AFDN: variants seen among roughly 807,000 people sequenced by gnomAD.
AFDN encodes afadin.
A neutral mutation model predicts 216.6 loss-of-function variants in AFDN; 68 were observed. The observed-to-expected ratio is 0.31, with a 90% confidence interval of 0.26 to 0.38. AFDN has a LOEUF of 0.38. AFDN is among the 10% of genes least tolerant of loss of function. The pLI is 1.00. For missense variants in AFDN, 2,136 were observed against 2,342.0 expected (o/e 0.91, Z 1.82); for synonymous variants, 868 against 853.7 (o/e 1.02, Z -0.29).
intron 3 of AFDN, among the ~76,000 whole-genome samples, chr6:167,871,270 A>G (rs1299040694): frequency 6.6e-6 from 1 of 152,164 alleles, no homozygotes; most frequent in Non-Finnish European, 1.5e-5. Context: ...GTGATGTGTC[A>G]TATTTGCAGC....
At chr6:167,911,630 A>G in intron 15 of AFDN, 141 bp downstream of exon 15, 2 of 740,732 alleles carry the variant, frequency 2.7e-6, no homozygotes, top group Middle Eastern at 2.6e-4. Context: ...TTGTAGGAAA[A>G]TGTATAACTT....
chr6:167,947,749 C>CA, intron 27 of AFDN, 104 bp from the exon 28 acceptor site: 1 of 674,368 alleles, frequency 1.5e-6, no homozygotes, highest in Non-Finnish European at 2.5e-6. Context: ...GCTGGATACT[C>CA]ACTAGCAGTA....
At chr6:167,935,203 A>G (rs548130523) in intron 23 of AFDN, among the ~76,000 whole-genome samples, 146 of 152,210 alleles carry the variant, frequency 9.6e-4, no homozygotes, top group African/African-American at 3.4e-3. Context: ...TTTTTAATGG[A>G]AAGAAAGGCA....
chr6:167,831,108 G>C (rs184354432), intron 1 of AFDN, among the ~76,000 whole-genome samples: 1 of 151,686 alleles, frequency 6.6e-6, no homozygotes, highest in Admixed American at 6.6e-5. Flanking sequence ...CATCTGGCTA[G>C]CTTTTGTATT....
chr6:167,888,051 T>C (rs1180244857), intron 6 of AFDN, among the ~76,000 whole-genome samples: 1 of 152,188 alleles, frequency 6.6e-6, no homozygotes, highest in East Asian at 1.9e-4. Flanking sequence ...AAGCATATTA[T>C]ATGTCGCCGA....
chr6:167,923,623 T>A (rs995480518), intron 22 of AFDN, among the ~76,000 whole-genome samples: 1 of 146,828 alleles, frequency 6.8e-6, no homozygotes, highest in South Asian at 2.3e-4. Flanking sequence ...CCTAATACTT[T>A]TTTTTTTTTT....
intron 23 of AFDN, among the ~76,000 whole-genome samples, chr6:167,929,143 T>C (rs1212319361): frequency 4.6e-5 from 7 of 152,128 alleles, no homozygotes; most frequent in Admixed American, 4.6e-4. Flanking sequence ...ATGAAAGTGG[T>C]GTCTAATAGT....
chr6:167,965,077 T>G, intron 31 of AFDN: 1 of 1,032,882 alleles, frequency 9.7e-7, no homozygotes, highest in African/African-American at 1.7e-5. Flanking sequence ...GGGAGTTTCT[T>G]AAGATTTGAA....
At chr6:167,890,820 C>A (rs1230214400) in intron 7 of AFDN, 42 bp from the exon 8 acceptor site, 1 of 1,594,048 alleles carries the variant, frequency 6.3e-7, no homozygotes, top group Non-Finnish European at 8.5e-7. Context: ...CCATCCTGAC[C>A]AACCTGAGTC....
chr6:167,872,127 G>A, intron 3 of AFDN, 87 bp from the exon 4 acceptor site: 1 of 1,212,796 alleles, frequency 8.2e-7, no homozygotes, highest in East Asian at 2.3e-5. Context: ...ATGTTCGGCA[G>A]CATGTGAGAT....
chr6:167,951,256 C>G lies in AFDN; in HGVS notation c.3902C>G (p.Ala1301Gly). ...CAACTTGAGCGGCATCGAATAGAGG[C>G]AGCTATGGACCGAAAGTCTGATAGT... ...AYQLERHRIE[A>G]AMDRKSDSDM... The change falls in exon 30 of 34, where the codon GCA (alanine) becomes GGA (glycine). Residue 1301 changes from alanine (A) to glycine (G), a missense_variant. Ala to Gly is a moderately conservative substitution (Grantham distance 60). Around this residue, in one of 8 missense-constraint regions of AFDN, gnomAD observed 981 missense variants for 966.0 expected, o/e 1.02. Coordinates refer to ENST00000683244, the MANE Select transcript of AFDN (RefSeq NM_001386888.1). The surrounding 1 kb of genome is among the most constrained non-coding windows in gnomAD (Gnocchi z 7.1). 1 of 1,611,802 alleles carries G rather than the reference C, an allele frequency of 6.2e-7. No individual in the cohort carries two copies. The highest frequency in any genetic ancestry group is 8.5e-7 in the Non-Finnish European group (1 of 1,179,160).
At position 167,943,430 on chromosome 6, in the gene AFDN, T is replaced by C; in HGVS notation, c.3194T>C (p.Leu1065Pro). The part of the protein sequence containing the change: ...VDGRLAAGDQ[L>P]LSVDGRSLVG... ...GGACGTCTAGCTGCAGGTGATCAGC[T>C]CCTCAGTGTGGATGGACGAAGTCTG... The change falls in exon 25 of 34, where the codon CTC becomes CCC. Residue 1065 changes from leucine (L) to proline (P), a missense_variant. Physicochemically the swap from Leu to Pro is moderately conservative, Grantham distance 98. Transcript: ENST00000683244. The C allele has an allele frequency of 1.2e-6, 2 of 1,614,216 alleles. No homozygotes were observed. Among genetic ancestry groups the C allele is most frequent in the Non-Finnish European group, 1.7e-6 (2 of 1,180,020 alleles).
intron 31 of AFDN, among the ~76,000 whole-genome samples, chr6:167,965,380 G>A (rs1490408116): frequency 2.6e-5 from 4 of 152,180 alleles, no homozygotes; most frequent in Non-Finnish European, 4.4e-5. Flanking sequence ...TAACAGGTAA[G>A]TTAATATCCT....
At chr6:167,867,490 C>T (rs1784315681) in intron 2 of AFDN, among the ~76,000 whole-genome samples, 1 of 149,714 alleles carries the variant, frequency 6.7e-6, no homozygotes, top group South Asian at 2.1e-4. Context: ...AGTGCAGCGG[C>T]ATGATCTTGG....
At chr6:167,856,735 A>G (rs1223283740) in intron 1 of AFDN, among the ~76,000 whole-genome samples, 2 of 152,100 alleles carry the variant, frequency 1.3e-5, no homozygotes, top group Non-Finnish European at 2.9e-5. Flanking sequence ...CCATTTTTAT[A>G]CAAGAGGTAT....
At chr6:167,859,267 C>A (rs1453089112) in intron 1 of AFDN, among the ~76,000 whole-genome samples, 1 of 152,090 alleles carries the variant, frequency 6.6e-6, no homozygotes, top group East Asian at 1.9e-4. Flanking sequence ...GCTGTTAACA[C>A]CTTAATGTTA....
chr6:167,873,762 A>G (rs773352617), intron 4 of AFDN, among the ~76,000 whole-genome samples: 9 of 152,246 alleles, frequency 5.9e-5, no homozygotes, highest in Non-Finnish European at 1.3e-4. Context: ...ATAAGGCAAC[A>G]TCTTTCCACA....
chr6:167,963,289 C>T, intron 31 of AFDN: 1 of 1,063,260 alleles, frequency 9.4e-7, no homozygotes, highest in Non-Finnish European at 1.1e-6. Context: ...GTTGAGCTCC[C>T]TGTGGGGGCC....
intron 19 of AFDN, among the ~76,000 whole-genome samples, chr6:167,915,963 C>T (rs1379222180): frequency 1.3e-5 from 2 of 152,224 alleles, no homozygotes; most frequent in Admixed American, 6.5e-5. Flanking sequence ...TGAAACACTT[C>T]TGGTCCCAAG....
Sources: allele counts gnomAD v4.1 joint callset (sites outside exome capture counted in the v4.1 genomes callset), GRCh38; gene constraint gnomAD v4.1.1; regional missense constraint gnomAD v4.1.1; non-coding constraint Gnocchi (gnomAD v3.1); transcripts MANE v1.5; gene names NCBI Gene and HGNC (gene_info 2026-07-23, HGNC 2026-07-21).